The following CDH22 variants were observed in gnomAD, a reference collection of about 807,000 sequenced individuals.
CDH22 encodes the protein cadherin 22, also known as cadherin-22.
A neutral mutation model predicts 58.4 loss-of-function variants in CDH22; 30 were observed. That is an observed-to-expected ratio of 0.51 (90% confidence interval 0.38 to 0.70). The LOEUF (loss-of-function observed/expected upper bound fraction) is 0.70, where lower values mean the gene tolerates loss of function less well. CDH22 is among the 30% of genes least tolerant of loss of function. The pLI, the probability that CDH22 is intolerant of heterozygous loss-of-function variation, is 0.00. For synonymous variants in CDH22, 513 were observed against 558.2 expected (o/e 0.92, Z 1.14); for missense variants, 1,014 against 1,233.9 (o/e 0.82, Z 2.67).
chr20:46,199,619 C>T, intron 7 of CDH22, 60 bp from the exon 8 acceptor site: 2 of 1,573,512 alleles, frequency 1.3e-6, no homozygotes, highest in East Asian at 2.3e-5. Flanking sequence ...AGCCCATGTC[C>T]TTTTCTCCCA....
At chr20:46,206,465 C>T (rs947198918) in intron 7 of CDH22, among the ~76,000 whole-genome samples, 1 of 152,214 alleles carries the variant, frequency 6.6e-6, no homozygotes, top group African/African-American at 2.4e-5. Context: ...ACTCACTGTG[C>T]CCTGCAAACC....
chr20:46,237,370 G>A lies in CDH22; in HGVS notation c.550+3593C>T, dbSNP rs527783355. ...GCTGTGAGTGGTTTAATTTGCAAGC[G>A]CTGCTGCCTTTCATGTCCCAAGCTG... On this transcript the variant is annotated intron_variant, in intron 3 of 11. Coordinates refer to ENST00000537909, the MANE Select transcript of CDH22 (RefSeq NM_021248.3). Among the ~76,000 whole-genome samples, 7 of 152,218 alleles carry A rather than the reference G, an allele frequency of 4.6e-5. 1 individual carries two copies. Among genetic ancestry groups the A allele is most frequent in the Middle Eastern group, 3.4e-3 (1 of 294 alleles).
At chr20:46,236,133 G>C (rs2086249734) in intron 3 of CDH22, among the ~76,000 whole-genome samples, 1 of 152,062 alleles carries the variant, frequency 6.6e-6, no homozygotes, top group African/African-American at 2.4e-5. Flanking sequence ...GTAGCTTAGT[G>C]GTTGTCCAAG....
At chr20:46,252,033 T>C (rs942295507) in intron 1 of CDH22, among the ~76,000 whole-genome samples, 1 of 151,714 alleles carries the variant, frequency 6.6e-6, no homozygotes, top group East Asian at 1.9e-4. Flanking sequence ...TGGCTGACAA[T>C]CTCTCCAGCC....
In CDH22 at chr20:46,174,868, C is replaced by G; in HGVS notation, c.2125G>C (p.Gly709Arg). ...CCCCCGCCCGAGCCCCCGCCCGCTCCCCCGCCCGCGCTGCCGCCCCCGTCG... is the reference window on the plus strand; with the variant it reads ...CCCCCGCCCGAGCCCCCGCCCGCTCGCCCGCCCGCGCTGCCGCCCCCGTCG... ...GGDGGGSAGG[G>R]AGGGSGGGAG... Residue 709 changes from glycine to arginine, a missense_variant, in exon 12 of 12, where the codon GGA becomes CGA. Gly to Arg is a moderately radical substitution (Grantham distance 125). Around this residue, in one of 2 missense-constraint regions of CDH22, gnomAD observed 208 missense variants for 195.2 expected, o/e 1.07. Transcript: ENST00000537909. The surrounding 1 kb of genome is among the most constrained non-coding windows in gnomAD (Gnocchi z 4.4). The G allele has an allele frequency of 1.5e-6, 2 of 1,343,394 alleles. No individual in the cohort carries two copies. Among genetic ancestry groups the G allele is most frequent in the Non-Finnish European group, 1.9e-6 (2 of 1,045,460 alleles). 83.2% of individuals were successfully genotyped at this position (1,343,394 alleles called of 1,614,324 possible).
chr20:46,200,114 CAGGTGCCCGCCA>C (rs1434797677), intron 7 of CDH22, among the ~76,000 whole-genome samples: 4 of 152,074 alleles, frequency 2.6e-5, no homozygotes, highest in Non-Finnish European at 4.4e-5. Context: ...GCTGGGACTA[CAGGTGCCCGCCA>C]CCACGCCCGG....
rs534211500 is a variant in CDH22 at position 46,183,774 on chromosome 20, G to A, written c.1663+2814C>T. ...TGGCTTCAGAGGCCACTAAGGCTCC[G>A]CATTGGGTGTGAGTGTGTAAAGGCC... On this transcript the variant is annotated intron_variant, in intron 10 of 11. Transcript: ENST00000537909. 3.3e-5 allele frequency among the ~76,000 whole-genome samples: 5 copies of A among 151,568 alleles called. No individual in the cohort carries two copies. The East Asian group carries it at 9.7e-4, about 29-fold the overall frequency.
At chr20:46,278,142 C>A (rs1670120186) in intron 1 of CDH22, among the ~76,000 whole-genome samples, 1 of 152,032 alleles carries the variant, frequency 6.6e-6, no homozygotes, top group African/African-American at 2.4e-5. Flanking sequence ...GGAACAGAAC[C>A]CAGGCCTCTC....
intron 1 of CDH22, among the ~76,000 whole-genome samples, chr20:46,272,232 G>T (rs1412589255): frequency 6.6e-6 from 1 of 152,170 alleles, no homozygotes; most frequent in Non-Finnish European, 1.5e-5. Flanking sequence ...TTTAACACTG[G>T]ATGGTGGTGT....
intron 3 of CDH22, among the ~76,000 whole-genome samples, chr20:46,232,596 A>G (rs1253545863): frequency 6.6e-6 from 1 of 152,188 alleles, no homozygotes; most frequent in East Asian, 1.9e-4. Flanking sequence ...GGGAAACCCT[A>G]GGCTCACATT....
intron 1 of CDH22, among the ~76,000 whole-genome samples, chr20:46,282,420 A>C (rs571128751): frequency 1.6e-4 from 25 of 152,276 alleles, no homozygotes; most frequent in African/African-American, 6.0e-4. Flanking sequence ...TGGGCTCTCA[A>C]ATGCATGACT....
Position 46,231,383 on chromosome 20 carries a change from C to A in CDH22, c.551-3756G>T, listed in dbSNP as rs559981752. 3.9e-5 allele frequency among the ~76,000 whole-genome samples: 6 copies of A among 152,236 alleles called. No homozygotes were observed. In the East Asian group the frequency reaches 1.2e-3, roughly 29 times the overall value. On this transcript the variant is annotated intron_variant, in intron 3 of 11. Transcript: ENST00000537909. ...AATAACATTGATGTGGAGCCCCATCCCTGACCAATTAAATAGGACTCTTGG... is the reference window on the plus strand; with the variant it reads ...AATAACATTGATGTGGAGCCCCATCACTGACCAATTAAATAGGACTCTTGG...
At chr20:46,263,668 G>T (rs968092504) in intron 1 of CDH22, among the ~76,000 whole-genome samples, 1 of 152,162 alleles carries the variant, frequency 6.6e-6, no homozygotes, top group African/African-American at 2.4e-5. Context: ...CTGAGGCACA[G>T]GTGGCAGAAT....
At chr20:46,224,205 G>A (rs376857449) in intron 4 of CDH22, among the ~76,000 whole-genome samples, 2 of 152,070 alleles carry the variant, frequency 1.3e-5, no homozygotes, top group African/African-American at 2.4e-5. Flanking sequence ...CCTCACACTC[G>A]TCACTGCTTG....
At chr20:46,297,183 C>G (rs1235482885) in intron 1 of CDH22, among the ~76,000 whole-genome samples, 1 of 151,956 alleles carries the variant, frequency 6.6e-6, no homozygotes, top group African/African-American at 2.4e-5. Flanking sequence ...CCAGGGGCTG[C>G]TCAAGGGCTC....
chr20:46,179,656 A>C (rs1167822742), intron 10 of CDH22, among the ~76,000 whole-genome samples: 1 of 152,158 alleles, frequency 6.6e-6, no homozygotes, highest in Non-Finnish European at 1.5e-5. Context: ...CAAGTCTATC[A>C]TTTACTAGCT....
chr20:46,219,056 G>A (rs2425788), intron 4 of CDH22, among the ~76,000 whole-genome samples: 78,573 of 152,076 alleles, frequency 0.52, 23,517 homozygotes, highest in Middle Eastern at 0.68. Context: ...GCTGTAGGGC[G>A]TGTGTGTATG....
intron 1 of CDH22, among the ~76,000 whole-genome samples, chr20:46,271,068 T>A (rs550202953): frequency 1.3e-5 from 2 of 152,180 alleles, no homozygotes; most frequent in African/African-American, 4.8e-5. Context: ...CAGGCAAGAG[T>A]GGAGCAGTCA....
chr20:46,236,566 T>TATATATTATATAAAAATATAATATATA (rs1568668804), intron 3 of CDH22, among the ~76,000 whole-genome samples: 10 of 141,406 alleles, frequency 7.1e-5, no homozygotes, highest in East Asian at 5.9e-4. Flanking sequence ...TAAAAATAAA[T>TATATATTATATAAAAATATAATATATA]ATATATTATA....
Sources: allele counts gnomAD v4.1 joint callset (sites outside exome capture counted in the v4.1 genomes callset), GRCh38; gene constraint gnomAD v4.1.1; regional missense constraint gnomAD v4.1.1; non-coding constraint Gnocchi (gnomAD v3.1); transcripts MANE v1.5; gene names NCBI Gene and HGNC (gene_info 2026-07-23, HGNC 2026-07-21).